LYPD6: variants seen among roughly 807,000 people sequenced by gnomAD.
The protein encoded by LYPD6 is ly6/PLAUR domain-containing protein 6.
LYPD6 carries 15 observed loss-of-function variants against 22.7 expected under a neutral mutation model. The ratio of observed to expected loss-of-function variants is 0.66; its 90% CI spans 0.44 to 1.02. The LOEUF is 1.02. Ranked by LOEUF, LYPD6 falls within the 50% of genes least tolerant of loss-of-function variation. LYPD6 has a pLI of 0.00. For synonymous variants in LYPD6, 72 were observed against 77.5 expected, an observed-to-expected ratio of 0.93 and a Z score of 0.37; for missense variants, 189 against 208.4, an observed-to-expected ratio of 0.91 and a Z score of 0.57.
At chr2:149,369,252 G>C (rs1681748492) in intron 1 of LYPD6, among the ~76,000 whole-genome samples, 1 of 152,092 alleles carries the variant, frequency 6.6e-6, no homozygotes. Context: ...TTAGAATTTA[G>C]GTTATCAAAG....
chr2:149,338,633 G>T (rs1259672630), intron 1 of LYPD6, among the ~76,000 whole-genome samples: 1 of 152,150 alleles, frequency 6.6e-6, no homozygotes, highest in Non-Finnish European at 1.5e-5. Context: ...CACCAGATCT[G>T]CTGGTATTGT....
At chr2:149,415,345 C>A (rs1420656998) in intron 1 of LYPD6, among the ~76,000 whole-genome samples, 1 of 152,094 alleles carries the variant, frequency 6.6e-6, no homozygotes, top group African/African-American at 2.4e-5. Flanking sequence ...TAGTATAGAT[C>A]CCCCTCTGCC....
chr2:149,357,138 AG>A (rs1559123034), intron 1 of LYPD6, among the ~76,000 whole-genome samples: 1 of 152,196 alleles, frequency 6.6e-6, no homozygotes, highest in Non-Finnish European at 1.5e-5. Flanking sequence ...TAGAATTTTA[AG>A]CCTTGTATTT....
chr2:149,452,168 C>G (rs1680841889), intron 3 of LYPD6, among the ~76,000 whole-genome samples: 1 of 152,106 alleles, frequency 6.6e-6, no homozygotes, highest in Non-Finnish European at 1.5e-5. Context: ...GAGAGCTGAC[C>G]TGGGAGTAGC....
At chr2:149,359,708 A>G (rs1455079883) in intron 1 of LYPD6, among the ~76,000 whole-genome samples, 2 of 152,112 alleles carry the variant, frequency 1.3e-5, no homozygotes, top group Admixed American at 6.5e-5. Flanking sequence ...TTTTTCTTAG[A>G]GTTAACTCCA....
chr2:149,332,181 G>C (rs1031130901), intron 1 of LYPD6, among the ~76,000 whole-genome samples: 1 of 152,290 alleles, frequency 6.6e-6, no homozygotes, highest in African/African-American at 2.4e-5. Context: ...ACTGAAATAA[G>C]ACTTAAAAGA....
intron 1 of LYPD6, among the ~76,000 whole-genome samples, chr2:149,432,507 G>A (rs906148999): frequency 2.6e-5 from 4 of 152,164 alleles, no homozygotes; most frequent in Non-Finnish European, 5.9e-5. Flanking sequence ...GGGAGGGAGG[G>A]AGTTCCTTGT....
intron 1 of LYPD6, among the ~76,000 whole-genome samples, chr2:149,412,064 A>G (rs1050899837): frequency 2.0e-5 from 3 of 152,200 alleles, no homozygotes; most frequent in Admixed American, 2.0e-4. Context: ...ATTCTCGCCT[A>G]TATTATCTTG....
chr2:149,402,219 A>C (rs1329511553), intron 1 of LYPD6, among the ~76,000 whole-genome samples: 1 of 149,168 alleles, frequency 6.7e-6, no homozygotes, highest in African/African-American at 2.5e-5. Context: ...ATAGTATTCC[A>C]TGGTGTGTGT....
At chr2:149,470,515 A>G (rs1681308369) in intron 4 of LYPD6, among the ~76,000 whole-genome samples, 168 bp from the exon 5 acceptor site, 1 of 152,138 alleles carries the variant, frequency 6.6e-6, no homozygotes, top group African/African-American at 2.4e-5. Flanking sequence ...GATTGCTTCT[A>G]GAAGAAATAT....
At chr2:149,460,024 T>A (rs935887294) in intron 3 of LYPD6, among the ~76,000 whole-genome samples, 3 of 152,230 alleles carry the variant, frequency 2.0e-5, no homozygotes, top group Middle Eastern at 6.8e-3. Flanking sequence ...AAGTTTTGCA[T>A]ATAATTTAAT....
In LYPD6 at chr2:149,372,158, T is replaced by C. The variant is rs749216831; in HGVS notation, c.-72+41436T>C. On this transcript the variant is annotated intron_variant, in intron 1 of 4. Coordinates refer to ENST00000334166, the MANE Select transcript of LYPD6 (RefSeq NM_194317.5). The stretch of plus-strand genomic sequence containing the variant: ...TTTGTCAGCCTTCTTCCTGGGTGAA[T>C]AGAATGTTCAGTGGGTGCAGGTGAG... Among the ~76,000 whole-genome samples, 2 of 152,164 alleles carry C rather than the reference T, an allele frequency of 1.3e-5. 1 individual carries two copies. Among genetic ancestry groups the C allele is most frequent in the East Asian group, 3.9e-4 (2 of 5,186 alleles).
chr2:149,371,403 G>C (rs1202968130), intron 1 of LYPD6, among the ~76,000 whole-genome samples: 1 of 152,174 alleles, frequency 6.6e-6, no homozygotes, highest in Non-Finnish European at 1.5e-5. Flanking sequence ...CTTAGGTTTA[G>C]TAAAAAAGAG....
the LYPD6 span, among the ~76,000 whole-genome samples, chr2:149,479,535 G>A: frequency 3.3e-5 from 5 of 152,144 alleles, no homozygotes; most frequent in Non-Finnish European, 7.3e-5. Context: ...GGCTCACCTC[G>A]TCTAGTGTCC....
chr2:149,411,748 A>G (rs936072423), intron 1 of LYPD6, among the ~76,000 whole-genome samples: 16 of 152,226 alleles, frequency 1.1e-4, no homozygotes, highest in Non-Finnish European at 2.1e-4. Flanking sequence ...TTCAAACAGT[A>G]TAGAGAAATA....
chr2:149,373,711 G>A (rs1368019257), intron 1 of LYPD6, among the ~76,000 whole-genome samples: 1 of 152,176 alleles, frequency 6.6e-6, no homozygotes. Context: ...ATTTGGAGGT[G>A]TGCTGGTAGA....
chr2:149,455,479 C>T (rs754685438), intron 3 of LYPD6, among the ~76,000 whole-genome samples: 29 of 152,160 alleles, frequency 1.9e-4, no homozygotes, highest in Non-Finnish European at 3.1e-4. Flanking sequence ...AGGATGGTCT[C>T]AATCTCCTGA....
chr2:149,412,308 TTAACTC>T (rs1682868903), intron 1 of LYPD6, among the ~76,000 whole-genome samples: 1 of 152,190 alleles, frequency 6.6e-6, no homozygotes, highest in Non-Finnish European at 1.5e-5. Flanking sequence ...TCACATTTCT[TTAACTC>T]TGATAAGGTT....
intron 1 of LYPD6, among the ~76,000 whole-genome samples, chr2:149,374,813 C>T (rs915979044): frequency 1.3e-5 from 2 of 152,132 alleles, no homozygotes; most frequent in Non-Finnish European, 2.9e-5. Flanking sequence ...ACAGCATAGT[C>T]ATATTTATGC....
Sources: allele counts gnomAD v4.1 joint callset (sites outside exome capture counted in the v4.1 genomes callset), GRCh38; gene constraint gnomAD v4.1.1; transcripts MANE v1.5; gene names NCBI Gene and HGNC (gene_info 2026-07-23, HGNC 2026-07-21).